The following HIVEP3 variants were observed in gnomAD, a reference collection of about 807,000 sequenced individuals.
HIVEP3 encodes the protein HIVEP zinc finger 3.
In HIVEP3, 49 loss-of-function variants were observed where a neutral mutation model predicts 152.8. The observed-to-expected ratio is 0.32, with a 90% CI of 0.26 to 0.41. The LOEUF (loss-of-function observed/expected upper bound fraction) is 0.41, where lower values mean the gene tolerates loss of function less well. Ranked by LOEUF, HIVEP3 falls within the 10% of genes least tolerant of loss-of-function variation. The probability of loss-of-function intolerance (pLI) is 1.00; values close to 1 mark genes in which losing one functional copy is unlikely to be tolerated. For missense variants in HIVEP3, 2,790 were observed against 3,103.3 expected, an observed-to-expected ratio of 0.90 and a Z score of 2.40; for synonymous variants, 1,269 against 1,289.0, an observed-to-expected ratio of 0.98 and a Z score of 0.33.
At chr1:41,562,638 T>TCG (rs1644094965) in intron 5 of HIVEP3, among the ~76,000 whole-genome samples, 1 of 138,738 alleles carries the variant, frequency 7.2e-6, no homozygotes, top group South Asian at 2.3e-4. Flanking sequence ...TCTCTCCCTC[T>TCG]CTCTCTCTTT....
intron 1 of HIVEP3, among the ~76,000 whole-genome samples, chr1:41,794,692 C>T (rs1375074455): frequency 6.6e-6 from 1 of 152,166 alleles, no homozygotes; most frequent in South Asian, 2.1e-4. Context: ...ACTTGCCTTT[C>T]TTATTACTAG....
At chr1:41,858,536 G>A (rs7520191) in intron 1 of HIVEP3, among the ~76,000 whole-genome samples, 2,489 of 152,176 alleles carry the variant, frequency 0.016, 38 homozygotes, top group Non-Finnish European at 0.021. Context: ...ACTCTCCTAG[G>A]ATATGTGCTC....
intron 1 of HIVEP3, among the ~76,000 whole-genome samples, chr1:41,741,187 C>A (rs1367208194): frequency 1.3e-5 from 2 of 152,188 alleles, no homozygotes; most frequent in African/African-American, 4.8e-5. Flanking sequence ...AAACACAGAT[C>A]TGTTTGCTTT....
intron 2 of HIVEP3, among the ~76,000 whole-genome samples, chr1:41,645,479 C>A (rs192187904): frequency 6.6e-6 from 1 of 152,340 alleles, no homozygotes; most frequent in East Asian, 1.9e-4. Context: ...AACTCCTTAA[C>A]AGAGTCTCCA....
chr1:41,804,432 C>T lies in HIVEP3; in HGVS notation c.-800-103437G>A, dbSNP rs141238206. ...CTCAAGACAAACCTGCCAGATAAGGCTGGCTGTGCCCATTTTACAGCTGAA... is the reference window on the plus strand; with the variant it reads ...CTCAAGACAAACCTGCCAGATAAGGTTGGCTGTGCCCATTTTACAGCTGAA... On this transcript the variant is annotated intron_variant, in intron 1 of 8. Transcript: ENST00000372583. Among the ~76,000 whole-genome samples, 18 of 152,364 alleles carry T rather than the reference C, an allele frequency of 1.2e-4. No homozygotes were observed. The East Asian group carries it at 3.5e-3, about 29-fold the overall frequency.
At chr1:41,990,470 A>G (rs1187684971) in intron 1 of HIVEP3, among the ~76,000 whole-genome samples, 2 of 147,616 alleles carry the variant, frequency 1.4e-5, no homozygotes, top group South Asian at 2.2e-4. Flanking sequence ...ATATATATGC[A>G]CCCAATACAG....
At chr1:41,810,025 GCCAGT>G (rs1650859760) in intron 1 of HIVEP3, among the ~76,000 whole-genome samples, 1 of 152,142 alleles carries the variant, frequency 6.6e-6, no homozygotes, top group African/African-American at 2.4e-5. Context: ...CCAAATTGCA[GCCAGT>G]CAAGTTTTAT....
At chr1:41,517,825 T>C (rs1047040539) in intron 7 of HIVEP3, among the ~76,000 whole-genome samples, 1 of 152,146 alleles carries the variant, frequency 6.6e-6, no homozygotes, top group Non-Finnish European at 1.5e-5. Flanking sequence ...CCGGGGTGTG[T>C]ACGGGGATGG....
intron 1 of HIVEP3, among the ~76,000 whole-genome samples, chr1:41,976,868 C>A (rs1415393908): frequency 2.0e-5 from 3 of 152,168 alleles, no homozygotes; most frequent in African/African-American, 7.2e-5. Context: ...GTGGAACAGA[C>A]CACCCCTTGT....
At chr1:41,796,742 A>C (rs1650004880) in intron 1 of HIVEP3, among the ~76,000 whole-genome samples, 1 of 152,216 alleles carries the variant, frequency 6.6e-6, no homozygotes, top group Non-Finnish European at 1.5e-5. Context: ...ATACTTACTA[A>C]AAGAAAACAA....
intron 1 of HIVEP3, among the ~76,000 whole-genome samples, chr1:41,748,529 A>T (rs552679287): frequency 6.6e-6 from 1 of 152,312 alleles, no homozygotes; most frequent in South Asian, 2.1e-4. Context: ...CATCATCATG[A>T]CTGTCATCAC....
At chr1:41,613,341 G>A (rs1209422168) in intron 3 of HIVEP3, among the ~76,000 whole-genome samples, 2 of 152,192 alleles carry the variant, frequency 1.3e-5, no homozygotes, top group Non-Finnish European at 2.9e-5. Context: ...CGCGTGGGGC[G>A]GGTCTCGTGA....
chr1:41,906,847 T>C (rs561617227), intron 1 of HIVEP3, among the ~76,000 whole-genome samples: 2,700 of 146,532 alleles, frequency 0.018, 42 homozygotes, highest in Middle Eastern at 0.024. Flanking sequence ...TTTTTTTTTT[T>C]TCTCTCTCTC....
At chr1:41,866,009 C>G (rs186060837) in intron 1 of HIVEP3, among the ~76,000 whole-genome samples, 11 of 152,358 alleles carry the variant, frequency 7.2e-5, no homozygotes, top group Admixed American at 7.2e-4. Context: ...TCTCTCCCCG[C>G]TGCTGTGATG....
At chr1:41,689,112 G>A (rs1318240014) in intron 2 of HIVEP3, among the ~76,000 whole-genome samples, 1 of 152,226 alleles carries the variant, frequency 6.6e-6, no homozygotes, top group East Asian at 1.9e-4. Flanking sequence ...CATGAACTGA[G>A]TCTTATTTAT....
intron 2 of HIVEP3, among the ~76,000 whole-genome samples, chr1:41,633,203 C>G (rs369972001): frequency 5.9e-5 from 9 of 152,284 alleles, no homozygotes; most frequent in African/African-American, 4.8e-5. Flanking sequence ...TCTTCTCCCC[C>G]CCGCAACACC....
At chr1:41,563,748 C>A (rs1644118594) in intron 5 of HIVEP3, among the ~76,000 whole-genome samples, 1 of 152,038 alleles carries the variant, frequency 6.6e-6, no homozygotes, top group Non-Finnish European at 1.5e-5. Context: ...GAAACAGAAA[C>A]CACGCAGGAA....
chr1:41,741,814 T>A (rs1432348413), intron 1 of HIVEP3, among the ~76,000 whole-genome samples: 1 of 152,236 alleles, frequency 6.6e-6, no homozygotes, highest in Admixed American at 6.5e-5. Context: ...ACATCCCGAT[T>A]TGTCAAACAC....
rs1377386659 is a variant in HIVEP3, at chr1:41,659,227, G to A, written c.-720-30280C>T. Among the ~76,000 whole-genome samples the A allele has an allele frequency of 3.9e-5, 6 of 152,120 alleles. No homozygotes were observed. The East Asian group carries it at 9.6e-4, about 24-fold the overall frequency. ...TATTCTTTCCCCAAAGCTTTGCAAG[G>A]CTGTCACTTCTTTATTACTCAGATC... On this transcript the variant is annotated intron_variant, in intron 2 of 8. Transcript: ENST00000372583.
Sources: allele counts gnomAD v4.1 joint callset (sites outside exome capture counted in the v4.1 genomes callset), GRCh38; gene constraint gnomAD v4.1.1; transcripts MANE v1.5; gene names NCBI Gene and HGNC (gene_info 2026-07-23, HGNC 2026-07-21).